Variants in PIP4K2A observed in about 807,000 individuals in gnomAD.
PIP4K2A encodes phosphatidylinositol-5-phosphate 4-kinase type 2 alpha, also known as phosphatidylinositol 5-phosphate 4-kinase type-2 alpha.
PIP4K2A carries 14 observed loss-of-function variants against 42.9 expected under a neutral mutation model. That is an observed-to-expected ratio of 0.33 (90% CI 0.22 to 0.51). PIP4K2A has a LOEUF of 0.51. Ranked by LOEUF, PIP4K2A falls within the 20% of genes least tolerant of loss-of-function variation. PIP4K2A has a pLI of 0.97. For missense variants in PIP4K2A, 434 were observed against 519.8 expected (o/e 0.83, Z 1.61); for synonymous variants, 192 against 192.2 (o/e 1.00, Z 0.01).
chr10:22,592,684 C>T (rs1162469740), intron 3 of PIP4K2A, among the ~76,000 whole-genome samples: 2 of 152,206 alleles, frequency 1.3e-5, no homozygotes, highest in African/African-American at 2.4e-5. Context: ...CAGATCTCCT[C>T]TTTCTTACAT....
At chr10:22,545,497 C>G (rs186459343) in intron 7 of PIP4K2A, among the ~76,000 whole-genome samples, 1 of 152,236 alleles carries the variant, frequency 6.6e-6, no homozygotes. Context: ...CTCGCCACAC[C>G]GGGCAGCCCA....
At chr10:22,592,645 C>T (rs1837539500) in intron 3 of PIP4K2A, among the ~76,000 whole-genome samples, 1 of 152,162 alleles carries the variant, frequency 6.6e-6, no homozygotes, top group African/African-American at 2.4e-5. Context: ...GGTAGGTCTA[C>T]CCTTCTCCTC....
chr10:22,682,897 T>C (rs1839690401), intron 1 of PIP4K2A, among the ~76,000 whole-genome samples: 1 of 152,206 alleles, frequency 6.6e-6, no homozygotes, highest in South Asian at 2.1e-4. Context: ...ATGCATCATT[T>C]GCGTCTGAAA....
At chr10:22,580,132 T>C (rs1837231027) in intron 4 of PIP4K2A, among the ~76,000 whole-genome samples, 1 of 151,770 alleles carries the variant, frequency 6.6e-6, no homozygotes, top group African/African-American at 2.4e-5. Flanking sequence ...ACGGGTTGTA[T>C]CTTTAATGCA....
chr10:22,651,390 C>G (rs1405225653), intron 1 of PIP4K2A, among the ~76,000 whole-genome samples: 1 of 152,224 alleles, frequency 6.6e-6, no homozygotes, highest in Non-Finnish European at 1.5e-5. Flanking sequence ...TACCTGACCC[C>G]ACCTTGTCCC....
chr10:22,598,042 C>T (rs1277458619), intron 3 of PIP4K2A, among the ~76,000 whole-genome samples: 1 of 152,134 alleles, frequency 6.6e-6, no homozygotes, highest in Non-Finnish European at 1.5e-5. Context: ...ATATGGTCTG[C>T]AATAAAGTGA....
chr10:22,556,595 T>C (rs1447652448), intron 6 of PIP4K2A, among the ~76,000 whole-genome samples: 1 of 152,202 alleles, frequency 6.6e-6, no homozygotes, highest in African/African-American at 2.4e-5. Flanking sequence ...GGGTTAGTTT[T>C]TTCTCAGCAC....
intron 3 of PIP4K2A, among the ~76,000 whole-genome samples, chr10:22,600,160 A>C (rs1837724418): frequency 6.6e-6 from 1 of 151,694 alleles, no homozygotes; most frequent in Non-Finnish European, 1.5e-5. Context: ...TTGCATATTT[A>C]ATTCTCTTGA....
chr10:22,560,118 TG>T, intron 6 of PIP4K2A, among the ~76,000 whole-genome samples: 1 of 152,232 alleles, frequency 6.6e-6, no homozygotes, highest in East Asian at 1.9e-4. Context: ...TAACTAACAC[TG>T]GCTGGCAAAG....
intron 1 of PIP4K2A, among the ~76,000 whole-genome samples, chr10:22,613,327 G>A (rs1293510571): frequency 6.6e-6 from 1 of 152,104 alleles, no homozygotes; most frequent in East Asian, 1.9e-4. Flanking sequence ...AGATGAAGAG[G>A]GATGAGGGAC....
At chr10:22,619,927 G>A (rs1035114585) in intron 1 of PIP4K2A, among the ~76,000 whole-genome samples, 2 of 152,188 alleles carry the variant, frequency 1.3e-5, no homozygotes, top group Admixed American at 6.5e-5. Context: ...GAGTAGGAAT[G>A]AGAATAAAAG....
chr10:22,550,255 CAAGACTG>C (rs1836370277), intron 7 of PIP4K2A, among the ~76,000 whole-genome samples: 1 of 152,178 alleles, frequency 6.6e-6, no homozygotes, highest in South Asian at 2.1e-4. Context: ...GGAAAAGTGC[CAAGACTG>C]TAATAGTGAC....
chr10:22,593,684 A>G (rs944538037), intron 3 of PIP4K2A, among the ~76,000 whole-genome samples: 1 of 152,244 alleles, frequency 6.6e-6, no homozygotes, highest in African/African-American at 2.4e-5. Flanking sequence ...ACTAATTTGC[A>G]AAAGGGTATT....
intron 1 of PIP4K2A, among the ~76,000 whole-genome samples, chr10:22,709,375 A>G (rs1176830755): frequency 6.6e-6 from 1 of 152,214 alleles, no homozygotes; most frequent in Admixed American, 6.5e-5. Flanking sequence ...ACCTGCTCAA[A>G]GAGCCCATCA....
intron 1 of PIP4K2A, among the ~76,000 whole-genome samples, chr10:22,610,138 G>A (rs1224730691): frequency 2.6e-5 from 4 of 152,198 alleles, no homozygotes; most frequent in African/African-American, 4.8e-5. Context: ...ATTAATGGAC[G>A]TGATTTATAT....
intron 1 of PIP4K2A, among the ~76,000 whole-genome samples, chr10:22,642,386 A>G (rs988609127): frequency 6.6e-6 from 1 of 152,206 alleles, no homozygotes; most frequent in Non-Finnish European, 1.5e-5. Flanking sequence ...CCAACAAAGA[A>G]TACTAGGATA....
At chr10:22,538,661 C>T (rs1202458647) in intron 9 of PIP4K2A, among the ~76,000 whole-genome samples, 1 of 152,196 alleles carries the variant, frequency 6.6e-6, no homozygotes, top group Non-Finnish European at 1.5e-5. Flanking sequence ...CTGAAGACCC[C>T]TCCCTCACCC....
At chr10:22,579,201 G>A (rs1837196656) in intron 4 of PIP4K2A, among the ~76,000 whole-genome samples, 2 of 152,058 alleles carry the variant, frequency 1.3e-5, no homozygotes, top group South Asian at 4.1e-4. Context: ...TTCGGAAATG[G>A]TCACAGTTTA....
chr10:22,553,755 C>T (rs895128051), intron 6 of PIP4K2A, among the ~76,000 whole-genome samples: 1 of 150,608 alleles, frequency 6.6e-6, no homozygotes, highest in Non-Finnish European at 1.5e-5. Flanking sequence ...TAATAAAGCG[C>T]ACAGACTTGA....
Sources: gnomAD v4.1 joint callset for allele counts (sites outside exome capture counted in the v4.1 genomes callset) on GRCh38, gnomAD v4.1.1 for gene constraint, MANE v1.5 for transcripts, NCBI Gene and HGNC (gene_info 2026-07-23, HGNC 2026-07-21) for gene names.